Variants in XYLB observed in about 807,000 individuals in gnomAD.
XYLB encodes the protein xylulose kinase.
A neutral mutation model predicts 78.7 loss-of-function variants in XYLB; 62 were observed. The observed-to-expected ratio is 0.79, with a 90% confidence interval of 0.64 to 0.97. XYLB has a LOEUF of 0.97. Ranked by LOEUF, XYLB falls within the 50% of genes least tolerant of loss-of-function variation. The pLI is 0.00. For synonymous variants in XYLB, 245 were observed against 247.4 expected, an observed-to-expected ratio of 0.99 and a Z score of 0.09; for missense variants, 687 against 676.8, an observed-to-expected ratio of 1.02 and a Z score of -0.17.
At chr3:38,357,447 C>T (rs375062425) in intron 2 of XYLB, among the ~76,000 whole-genome samples, 8 of 149,980 alleles carry the variant, frequency 5.3e-5, no homozygotes, top group South Asian at 4.2e-4. Context: ...AGTGCAGTGG[C>T]GTGATCTCGG....
the XYLB span, among the ~76,000 whole-genome samples, chr3:38,441,296 C>A: frequency 3.9e-5 from 6 of 152,190 alleles, no homozygotes; most frequent in African/African-American, 1.4e-4. Context: ...CTAAGGCTCA[C>A]GTAAGTGCCA....
downstream of XYLB, among the ~76,000 whole-genome samples, chr3:38,416,340 A>C (rs1277806921): frequency 6.6e-6 from 1 of 152,206 alleles, no homozygotes; most frequent in African/African-American, 2.4e-5. Context: ...TTAAAGGTGT[A>C]CTATACTATT....
intron 13 of XYLB, 120 bp downstream of exon 13, chr3:38,376,352 T>C (rs1575491289): frequency 1.4e-6 from 1 of 704,658 alleles, no homozygotes; most frequent in South Asian, 1.6e-5. Flanking sequence ...AGGGGAGTCC[T>C]GTCTGTCTGC....
chr3:38,352,329 A>G (rs912376959), intron 2 of XYLB, among the ~76,000 whole-genome samples: 6 of 152,172 alleles, frequency 3.9e-5, no homozygotes, highest in Non-Finnish European at 8.8e-5. Flanking sequence ...TGGTACATCT[A>G]CACAATGGAA....
At position 38,346,830 on chromosome 3, in the gene XYLB, C is replaced by A. The variant is rs1404913998; in HGVS notation, c.-39C>A. ...GGCGACTATCACGCCGCGTGGCGGA[C>A]GGACGGACTGACGGACGCGCAGCCT... On this transcript the variant is annotated 5_prime_UTR_variant, in exon 1 of 19. Transcript: ENST00000207870. 1.4e-6 allele frequency: 2 copies of A among 1,478,064 alleles called. No homozygotes were observed. The highest frequency in any genetic ancestry group is 1.8e-6 in the Non-Finnish European group (2 of 1,113,488). The allele number at this position is 1,478,064 out of a possible 1,614,324, so 91.6% of individuals were successfully genotyped here. A position where few individuals can be genotyped will look rare whatever the true frequency, so the allele number is the denominator to read the frequency against.
At position 38,376,142 on chromosome 3, in the gene XYLB, G is replaced by C. The variant is rs372268961; in HGVS notation, c.1030G>C (p.Glu344Gln). The C allele has an allele frequency of 6.2e-6, 10 of 1,614,110 alleles. No individual in the cohort carries two copies. In the African/African-American group the frequency reaches 9.3e-5, roughly 15 times the overall value. Reference sequence around the variant, plus strand: ...CTTTAAAAATGGCTCCCTCATGAGAGAGAAGATCCGCAACGAGTCTGTATC... The same window carrying C: ...CTTTAAAAATGGCTCCCTCATGAGACAGAAGATCCGCAACGAGTCTGTATC... ...LCFKNGSLMR[E>Q]KIRNESVSRS... Residue 344 changes from glutamate to glutamine, a missense_variant, in exon 13 of 19, where the codon GAG becomes CAG. Physicochemically the swap from Glu to Gln is conservative, Grantham distance 29 (BLOSUM62 2). Transcript: ENST00000207870.
the XYLB span, among the ~76,000 whole-genome samples, chr3:38,441,273 C>T: frequency 6.6e-6 from 1 of 152,220 alleles, no homozygotes; most frequent in Non-Finnish European, 1.5e-5. Context: ...TATTCTTTTT[C>T]CCTTTCCCAG....
Position 38,366,888 on chromosome 3 carries a change from C to T in XYLB, c.573+15C>T. 6.4e-7 allele frequency: 1 copy of T among 1,569,658 alleles called. No individual in the cohort carries two copies. The highest frequency in any genetic ancestry group is 8.8e-7 in the Non-Finnish European group (1 of 1,141,356). ...CACATACGGAGGTTGGTTAAATGTT[C>T]CTGTTTGATTGAAAGTCACAGTTGA... On this transcript the variant is annotated intron_variant, in intron 7 of 18. Transcript: ENST00000207870.
At chr3:38,430,985 G>A in the XYLB span, among the ~76,000 whole-genome samples, 1 of 152,196 alleles carries the variant, frequency 6.6e-6, no homozygotes, top group African/African-American at 2.4e-5. Context: ...AAGTCAGGTA[G>A]CATGATGCCT....
At chr3:38,429,939 C>G in the XYLB span, among the ~76,000 whole-genome samples, 2 of 152,352 alleles carry the variant, frequency 1.3e-5, no homozygotes, top group African/African-American at 4.8e-5. Context: ...GCCACATTTT[C>G]TTAATCCAGT....
chr3:38,427,615 A>G, the XYLB span, among the ~76,000 whole-genome samples: 1 of 151,148 alleles, frequency 6.6e-6, no homozygotes, highest in African/African-American at 2.4e-5. Flanking sequence ...TTTTTTTGAG[A>G]CAGAATCTCA....
chr3:38,376,769 C>A, intron 13 of XYLB, 149 bp from the exon 14 acceptor site: 1 of 624,350 alleles, frequency 1.6e-6, no homozygotes, highest in Middle Eastern at 2.6e-4. Context: ...AGAGAAGGAA[C>A]TGAGAATATT....
intron 15 of XYLB, among the ~76,000 whole-genome samples, chr3:38,393,148 A>AT (rs57095212): frequency 0.017 from 2,473 of 145,932 alleles, 75 homozygotes; most frequent in African/African-American, 0.057. Context: ...ACTCCCTTTC[A>AT]TTTTTTTTTT....
Position 38,413,115 on chromosome 3 carries a change from C to T in XYLB, c.*102C>T. On this transcript the variant is annotated 3_prime_UTR_variant, in exon 19 of 19. Transcript: ENST00000207870. ...CACTTCTCTGTTCTGAACAGCTCTT[C>T]CTGCCCCTACTGACTCCTTGGAGTG... 1.1e-5 allele frequency: 13 copies of T among 1,176,724 alleles called. No homozygotes were observed. In the South Asian group the frequency reaches 2.2e-4, roughly 20 times the overall value. 72.9% of individuals were successfully genotyped at this position (1,176,724 alleles called of 1,614,324 possible).
intron 15 of XYLB, among the ~76,000 whole-genome samples, chr3:38,380,502 G>A (rs944409406): frequency 6.6e-6 from 1 of 152,068 alleles, no homozygotes; most frequent in Non-Finnish European, 1.5e-5. Context: ...CTTTGCTTGA[G>A]GGCCTTCCTA....
intron 15 of XYLB, among the ~76,000 whole-genome samples, chr3:38,379,945 T>G (rs1707066717): frequency 6.6e-6 from 1 of 152,214 alleles, no homozygotes; most frequent in Non-Finnish European, 1.5e-5. Context: ...GGGCCATATC[T>G]GAAGAGGGCC....
chr3:38,447,072 G>A, the XYLB span, among the ~76,000 whole-genome samples: 1 of 152,080 alleles, frequency 6.6e-6, no homozygotes, highest in Non-Finnish European at 1.5e-5. Flanking sequence ...CAACTGAACA[G>A]GAACAAAATC....
the XYLB span, among the ~76,000 whole-genome samples, chr3:38,437,530 T>TA: frequency 2.2e-4 from 33 of 152,282 alleles, no homozygotes; most frequent in African/African-American, 6.5e-4. Flanking sequence ...AAGACTCTAC[T>TA]AAAAAACTCT....
the XYLB span, among the ~76,000 whole-genome samples, chr3:38,450,431 C>A: frequency 1.3e-5 from 2 of 152,260 alleles, no homozygotes; most frequent in South Asian, 4.2e-4. Flanking sequence ...TGATTCTTCT[C>A]AATTCCTTGG....
Sources: allele counts gnomAD v4.1 joint callset (sites outside exome capture counted in the v4.1 genomes callset), GRCh38; gene constraint gnomAD v4.1.1; transcripts MANE v1.5; gene names NCBI Gene and HGNC (gene_info 2026-07-23, HGNC 2026-07-21).